The following FOXRED2 variants were observed in gnomAD, a reference collection of about 807,000 sequenced individuals.
FOXRED2 encodes the protein FAD-dependent oxidoreductase domain-containing protein 2.
Under a neutral mutation model 52.5 loss-of-function variants are expected in FOXRED2, and 32 were observed. The observed-to-expected ratio is 0.61, with a 90% CI of 0.46 to 0.82. The LOEUF (loss-of-function observed/expected upper bound fraction) is 0.82. FOXRED2 is among the 40% of genes least tolerant of loss of function. The probability of loss-of-function intolerance (pLI) is 0.00; values close to 1 mark genes in which losing one functional copy is unlikely to be tolerated. For missense variants in FOXRED2, 848 were observed against 937.5 expected (o/e 0.90, Z 1.25); for synonymous variants, 405 against 398.1 (o/e 1.02, Z -0.21).
At position 36,489,020 on chromosome 22, in the gene FOXRED2, TGAA is replaced by T. The variant is rs1447461941; in HGVS notation, c.*985_*987del. Reference sequence around the variant, plus strand: ...GCAGATTGCTGGTGAGGAAGGGCAATGAAGAAGAGACTAGGAACCAAATTCATC... The same window carrying T: ...GCAGATTGCTGGTGAGGAAGGGCAATGAAGAGACTAGGAACCAAATTCATC... On this transcript the variant is annotated 3_prime_UTR_variant, in exon 9 of 9. Coordinates refer to ENST00000397224, the MANE Select transcript of FOXRED2 (RefSeq NM_001102371.2). 6.6e-6 allele frequency: 1 copy of T among 152,132 alleles called. No homozygotes were observed. Among genetic ancestry groups the T allele is most frequent in the Non-Finnish European group, 1.5e-5 (1 of 68,032 alleles). 9.4% of individuals were successfully genotyped at this position (152,132 alleles called of 1,614,324 possible).
Position 36,505,958 on chromosome 22 carries a change from T to C in FOXRED2, c.465A>G (p.Arg155=). ...TGAAGTAGTGGCCATTCCAGGCCTGTCGGTCCTTGTCCAGAGTGACGTGGG... is the reference window on the plus strand; with the variant it reads ...TGAAGTAGTGGCCATTCCAGGCCTGCCGGTCCTTGTCCAGAGTGACGTGGG... The part of the protein sequence containing the change: ...TIAHVTLDKD[R]QAWNGHYFIL... Residue 155 remains arginine (R), a synonymous_variant, in exon 2 of 9, where the codon CGA becomes CGG. Coordinates refer to ENST00000397224, the MANE Select transcript of FOXRED2 (RefSeq NM_001102371.2). The C allele has an allele frequency of 6.2e-7, 1 of 1,614,242 alleles. No individual in the cohort carries two copies. The highest frequency in any genetic ancestry group is 1.3e-5 in the African/African-American group (1 of 75,064).
rs1406113549 is a variant in FOXRED2, at chr22:36,506,164, C to T, written c.259G>A (p.Gly87Ser). The T allele has an allele frequency of 2.5e-6, 4 of 1,614,248 alleles. No homozygotes were observed. In the Admixed American group the frequency reaches 6.7e-5, roughly 27 times the overall value. Residue 87 changes from glycine to serine, a missense_variant, in exon 2 of 9, where the codon GGC becomes AGC. Gly to Ser is a moderately conservative substitution (Grantham distance 56). Coordinates refer to ENST00000397224, the MANE Select transcript of FOXRED2 (RefSeq NM_001102371.2). ...AGGTTGAACTCGGCGTTAGCCTTGCCCGTGTACCGCTTGTTGATGCTGATG... is the reference window on the plus strand; with the variant it reads ...AGGTTGAACTCGGCGTTAGCCTTGCTCGTGTACCGCTTGTTGATGCTGATG... Reference protein sequence around the residue: ...KLISINKRYTGKANAEFNLRH... With the variant: ...KLISINKRYTSKANAEFNLRH...
At chr22:36,505,754 G>C in intron 2 of FOXRED2, 142 bp downstream of exon 2, 4 of 919,170 alleles carry the variant, frequency 4.4e-6, no homozygotes, top group Non-Finnish European at 3.3e-6. Flanking sequence ...CTGGGCGACA[G>C]AGTGAGACTC....
Position 36,490,064 on chromosome 22 carries a change from G to A in FOXRED2, c.1999C>T (p.Pro667Ser), listed in dbSNP as rs1185514098. The A allele has an allele frequency of 6.2e-7, 1 of 1,612,890 alleles. No individual in the cohort carries two copies. Among genetic ancestry groups the A allele is most frequent in the Admixed American group, 1.7e-5 (1 of 59,924 alleles). The change falls in exon 9 of 9, where the codon CCC becomes TCC. Residue 667 changes from proline (P) to serine (S), a missense_variant. Coordinates refer to ENST00000397224, the MANE Select transcript of FOXRED2 (RefSeq NM_001102371.2). ...TGAGCCAGAGGCCCTGGAGCCAGGG[G>A]GGAACCTAGTGGCTCTTGGTCGCCA... The part of the protein sequence containing the change: ...QLGDQEPLGS[P>S]LAPGPLAQSV...
At chr22:36,500,156 AAAG>A (rs1934007028) in intron 5 of FOXRED2, among the ~76,000 whole-genome samples, 1 of 152,200 alleles carries the variant, frequency 6.6e-6, no homozygotes, top group African/African-American at 2.4e-5. Flanking sequence ...GCTTTCTATG[AAAG>A]AAGAGAAGAC....
chr22:36,498,453 A>C, intron 5 of FOXRED2: 1 of 319,070 alleles, frequency 3.1e-6, no homozygotes, highest in Non-Finnish European at 5.9e-6. Context: ...GGCCAAGACA[A>C]CAGGCAAAGG....
intron 1 of FOXRED2, 25 bp from the exon 2 acceptor site, chr22:36,506,448 C>G: frequency 1.4e-6 from 2 of 1,422,000 alleles, no homozygotes; most frequent in Non-Finnish European, 1.8e-6. Flanking sequence ...AGGGGTAAGG[C>G]CTCGCACCCG....
At chr22:36,495,831 G>A in intron 7 of FOXRED2, 136 bp downstream of exon 7, 1 of 905,518 alleles carries the variant, frequency 1.1e-6, no homozygotes, top group Non-Finnish European at 1.7e-6. Flanking sequence ...CTGCCCAAGT[G>A]GTCTCTAGGC....
chr22:36,491,099 T>C (rs1207634163), intron 8 of FOXRED2, among the ~76,000 whole-genome samples: 1 of 151,804 alleles, frequency 6.6e-6, no homozygotes, highest in Non-Finnish European at 1.5e-5. Flanking sequence ...GAGGCGGACG[T>C]TGCAGTGAGC....
Position 36,496,033 on chromosome 22 carries a change from T to G in FOXRED2, c.1558A>C (p.Thr520Pro), listed in dbSNP as rs770517438. 23 of 1,614,234 alleles carry G rather than the reference T, an allele frequency of 1.4e-5. No individual in the cohort carries two copies. The highest frequency in any genetic ancestry group is 1.9e-5 in the Non-Finnish European group (23 of 1,180,036). The change falls in exon 7 of 9, where the codon ACA (threonine) becomes CCA (proline). Residue 520 changes from threonine (T) to proline (P), a missense_variant. Thr to Pro is a conservative substitution (Grantham distance 38). Transcript: ENST00000397224. ...AAGTTAGACTGCCAGGCATCTTCTG[T>G]GTGCCCCACAGACCGGTCATCAAAG... ...VFFDDRSVGH[T>P]EDAWQSNFLH...
chr22:36,502,423 AAT>A (rs1380198835), intron 4 of FOXRED2, among the ~76,000 whole-genome samples: 1 of 152,198 alleles, frequency 6.6e-6, no homozygotes, highest in Non-Finnish European at 1.5e-5. Context: ...TACAATGATA[AAT>A]AACTTAAGCA....
chr22:36,499,200 C>T (rs1933981207), intron 5 of FOXRED2, among the ~76,000 whole-genome samples: 1 of 152,128 alleles, frequency 6.6e-6, no homozygotes, highest in Non-Finnish European at 1.5e-5. Context: ...GGATTATAGG[C>T]ATGAGCCACT....
At chr22:36,505,746 GGGC>G in intron 2 of FOXRED2, 147 bp downstream of exon 2, 1 of 857,490 alleles carries the variant, frequency 1.2e-6, no homozygotes, top group Non-Finnish European at 1.8e-6. Flanking sequence ...ACTCCAGCCT[GGGC>G]GACAGAGTGA....
Position 36,493,706 on chromosome 22 carries a change from C to T in FOXRED2, c.1722G>A (p.Pro574=), listed in dbSNP as rs147772253. The T allele has an allele frequency of 5.3e-5, 85 of 1,614,184 alleles. No individual in the cohort carries two copies. The African/African-American group carries it at 9.2e-4, about 17-fold the overall frequency. Residue 574 remains proline (P), a synonymous_variant, in exon 8 of 9, where the codon CCG becomes CCA. Transcript: ENST00000397224. ...GCCTCAGAGGTAGGATGTGCCCGAT[C>T]GGGGCAGTCCAGTCTGTTAAGAAGT... ...VEDFLTDWTA[P]IGHILPLRRF...
At chr22:36,504,455 G>A (rs1407022918) in intron 3 of FOXRED2, 60 bp downstream of exon 3, 19 of 1,609,302 alleles carry the variant, frequency 1.2e-5, no homozygotes, top group Middle Eastern at 1.7e-4. Flanking sequence ...GAGGGTTGGG[G>A]AGGCTCTTTC....
chr22:36,490,922 G>A (rs1410155356), intron 8 of FOXRED2, among the ~76,000 whole-genome samples: 2 of 152,216 alleles, frequency 1.3e-5, no homozygotes, highest in Non-Finnish European at 2.9e-5. Context: ...CTGGGAGGCC[G>A]AGGCCGGTGG....
At chr22:36,506,579 C>T in intron 1 of FOXRED2, 156 bp from the exon 2 acceptor site, 1 of 677,502 alleles carries the variant, frequency 1.5e-6, no homozygotes, top group Non-Finnish European at 2.3e-6. Flanking sequence ...CGGACTCCAC[C>T]GTTTCAAGCT....
intron 8 of FOXRED2, among the ~76,000 whole-genome samples, chr22:36,490,667 T>A (rs1187612542): frequency 6.6e-6 from 1 of 152,222 alleles, no homozygotes; most frequent in Non-Finnish European, 1.5e-5. Context: ...AGTTCCACTG[T>A]GAGCTCAGAT....
chr22:36,499,948 C>T (rs989494544), intron 5 of FOXRED2, among the ~76,000 whole-genome samples: 5 of 152,076 alleles, frequency 3.3e-5, no homozygotes, highest in Admixed American at 1.3e-4. Flanking sequence ...ATTACAGGCG[C>T]CCGCCACCAT....
Sources: gnomAD v4.1 joint callset for allele counts (sites outside exome capture counted in the v4.1 genomes callset) on GRCh38, gnomAD v4.1.1 for gene constraint, MANE v1.5 for transcripts, NCBI Gene and HGNC (gene_info 2026-07-23, HGNC 2026-07-21) for gene names.